The following NELL1 variants were observed in gnomAD, a reference collection of about 807,000 sequenced individuals.
The protein encoded by NELL1 is protein kinase C-binding protein NELL1.
Under a neutral mutation model 107.4 loss-of-function variants are expected in NELL1, and 76 were observed. The ratio of observed to expected loss-of-function variants is 0.71; its 90% CI spans 0.59 to 0.86. The LOEUF (loss-of-function observed/expected upper bound fraction) is 0.86. Ranked by LOEUF, NELL1 falls within the 40% of genes least tolerant of loss-of-function variation. The pLI is 0.00. For missense variants in NELL1, 1,024 were observed against 1,005.5 expected, an observed-to-expected ratio of 1.02 and a Z score of -0.25; for synonymous variants, 353 against 341.2, an observed-to-expected ratio of 1.03 and a Z score of -0.38.
chr11:21,219,341 G>A (rs757639572), intron 13 of NELL1, among the ~76,000 whole-genome samples: 15 of 152,030 alleles, frequency 9.9e-5, no homozygotes, highest in African/African-American at 3.1e-4. Context: ...TTGCTTTTGT[G>A]CTGTTAAATT....
At chr11:21,183,996 T>C (rs543579962) in intron 13 of NELL1, among the ~76,000 whole-genome samples, 1 of 151,850 alleles carries the variant, frequency 6.6e-6, no homozygotes, top group Non-Finnish European at 1.5e-5. Context: ...TGTTGGCCCA[T>C]AGTATGTTTT....
At chr11:21,527,731 C>A (rs1181544856) in intron 15 of NELL1, among the ~76,000 whole-genome samples, 5 of 152,128 alleles carry the variant, frequency 3.3e-5, no homozygotes, top group Non-Finnish European at 4.4e-5. Flanking sequence ...GAGTCCCTGG[C>A]AAATCTCTGG....
At chr11:21,571,109 GA>G (rs1438375703) in intron 18 of NELL1, among the ~76,000 whole-genome samples, 169 bp downstream of exon 18, 2 of 151,916 alleles carry the variant, frequency 1.3e-5, no homozygotes, top group Admixed American at 6.6e-5. Flanking sequence ...GGTTGTATTT[GA>G]AATACTGTAC....
At chr11:20,920,083 G>A (rs758871427) in intron 7 of NELL1, among the ~76,000 whole-genome samples, 2 of 152,064 alleles carry the variant, frequency 1.3e-5, no homozygotes, top group Middle Eastern at 3.2e-3. Flanking sequence ...ATAATGAAAA[G>A]CCCTGAGCCT....
At chr11:21,452,932 T>C (rs1011410447) in intron 15 of NELL1, among the ~76,000 whole-genome samples, 1 of 151,954 alleles carries the variant, frequency 6.6e-6, no homozygotes, top group African/African-American at 2.4e-5. Context: ...GTGAATTATA[T>C]TGTAGGATTT....
chr11:21,523,023 A>G (rs1039641988), intron 15 of NELL1, among the ~76,000 whole-genome samples: 4 of 150,408 alleles, frequency 2.7e-5, no homozygotes, highest in African/African-American at 9.8e-5. Flanking sequence ...TTTTTTGTAT[A>G]TTTTTAGTAG....
intron 14 of NELL1, among the ~76,000 whole-genome samples, chr11:21,309,590 A>G (rs111755570): frequency 2.0e-5 from 3 of 151,752 alleles, no homozygotes; most frequent in African/African-American, 7.3e-5. Flanking sequence ...TGCTTATTGT[A>G]TTAGTCCATT....
At chr11:20,881,784 C>A (rs1000853791) in intron 4 of NELL1, among the ~76,000 whole-genome samples, 8 of 152,032 alleles carry the variant, frequency 5.3e-5, no homozygotes, top group Non-Finnish European at 1.2e-4. Flanking sequence ...TGTGTCCATG[C>A]ATGTGTCTGT....
intron 11 of NELL1, among the ~76,000 whole-genome samples, chr11:20,948,811 T>A (rs1388491950): frequency 1.3e-5 from 2 of 151,842 alleles, no homozygotes; most frequent in African/African-American, 4.8e-5. Context: ...AGGTATTATT[T>A]TAAAACTATA....
At chr11:20,917,080 A>G (rs1167511829) in intron 5 of NELL1, among the ~76,000 whole-genome samples, 1 of 151,998 alleles carries the variant, frequency 6.6e-6, no homozygotes, top group Non-Finnish European at 1.5e-5. Flanking sequence ...ATCTCATCCC[A>G]GAGAGAAGTT....
At chr11:21,326,035 T>G (rs957802010) in intron 14 of NELL1, among the ~76,000 whole-genome samples, 4 of 148,674 alleles carry the variant, frequency 2.7e-5, no homozygotes, top group Non-Finnish European at 6.0e-5. Context: ...CCACGGATAT[T>G]TGTGTTAATC....
At chr11:21,523,412 G>A (rs1313470686) in intron 15 of NELL1, among the ~76,000 whole-genome samples, 4 of 151,936 alleles carry the variant, frequency 2.6e-5, no homozygotes, top group Admixed American at 2.0e-4. Context: ...AATATATATT[G>A]TAGATCCAAT....
intron 2 of NELL1, among the ~76,000 whole-genome samples, chr11:20,682,919 G>T (rs538160081): frequency 4.3e-4 from 65 of 152,112 alleles, no homozygotes; most frequent in African/African-American, 1.5e-3. Context: ...CATGTAAAGT[G>T]CTTTTCTTAC....
chr11:20,793,760 G>T (rs191322624), intron 3 of NELL1, among the ~76,000 whole-genome samples: 104 of 152,234 alleles, frequency 6.8e-4, no homozygotes, highest in Non-Finnish European at 1.2e-3. Flanking sequence ...ATTCCAAAGT[G>T]ATTAAATTAA....
At chr11:20,896,998 T>C (rs1284010936) in intron 5 of NELL1, among the ~76,000 whole-genome samples, 2 of 152,170 alleles carry the variant, frequency 1.3e-5, no homozygotes, top group African/African-American at 4.8e-5. Flanking sequence ...CAAGGTAATT[T>C]ATAGATTCAG....
chr11:21,478,883 A>T (rs1414561788), intron 15 of NELL1, among the ~76,000 whole-genome samples: 2 of 151,952 alleles, frequency 1.3e-5, no homozygotes, highest in African/African-American at 4.8e-5. Flanking sequence ...TGGCCAAAAG[A>T]TCTGAATAAG....
chr11:21,284,131 G>A (rs1292117059), intron 14 of NELL1: 1 of 412,702 alleles, frequency 2.4e-6, no homozygotes, highest in African/African-American at 2.0e-5. Flanking sequence ...TGGCTTTGAA[G>A]AGTAGCGTTA....
At chr11:21,303,501 T>G (rs1417675276) in intron 14 of NELL1, among the ~76,000 whole-genome samples, 1 of 152,046 alleles carries the variant, frequency 6.6e-6, no homozygotes, top group Non-Finnish European at 1.5e-5. Flanking sequence ...TGTAGCCTTA[T>G]GTATGATTCC....
chr11:20,837,926 G>A (rs1260192758), intron 3 of NELL1, among the ~76,000 whole-genome samples: 1 of 152,020 alleles, frequency 6.6e-6, no homozygotes, highest in Admixed American at 6.6e-5. Context: ...CCTCAAGGAG[G>A]TGGAATATAA....
Sources: gnomAD v4.1 joint callset for allele counts (sites outside exome capture counted in the v4.1 genomes callset) on GRCh38, gnomAD v4.1.1 for gene constraint, MANE v1.5 for transcripts, NCBI Gene and HGNC (gene_info 2026-07-23, HGNC 2026-07-21) for gene names.